Variants in TMED3 observed in about 807,000 individuals in gnomAD.
The protein encoded by TMED3 is transmembrane p24 trafficking protein 3, also known as transmembrane emp24 domain-containing protein 3.
In TMED3, 9 loss-of-function variants were observed where a neutral mutation model predicts 15.0. The observed-to-expected ratio is 0.60, with a 90% CI of 0.36 to 1.04. The LOEUF is 1.04. TMED3 is among the 50% of genes least tolerant of loss of function. TMED3 has a pLI of 0.01. For missense variants in TMED3, 267 were observed against 278.9 expected (o/e 0.96, Z 0.30); for synonymous variants, 117 against 121.4 (o/e 0.96, Z 0.24).
At chr15:79,366,215 G>A (rs35014239) in intron 2 of TMED3, among the ~76,000 whole-genome samples, 17,767 of 152,180 alleles carry the variant, frequency 0.12, 1,106 homozygotes, top group Admixed American at 0.14. Flanking sequence ...CTACCTTGGC[G>A]TTATCAGTAC....
At chr15:79,392,680 T>C (rs963587349) in intron 2 of TMED3, among the ~76,000 whole-genome samples, 1 of 152,260 alleles carries the variant, frequency 6.6e-6, no homozygotes, top group Non-Finnish European at 1.5e-5. Context: ...TTTTTGTTCG[T>C]GTGGTCTTGT....
chr15:79,360,491 G>A (rs142248737), intron 2 of TMED3, among the ~76,000 whole-genome samples: 266 of 152,282 alleles, frequency 1.7e-3, no homozygotes, highest in Middle Eastern at 6.8e-3. Context: ...AAGAGAAAGG[G>A]CAATAATAGC....
chr15:79,377,297 TGA>T lies in TMED3; in HGVS notation c.418-34084_418-34083del, dbSNP rs911394704. Among the ~76,000 whole-genome samples, 735 of 99,502 alleles carry T rather than the reference TGA, an allele frequency of 7.4e-3. 2 individuals carry two copies. The highest frequency in any genetic ancestry group is 0.021 in the Middle Eastern group (4 of 190). The allele number at this position is 99,502 out of a possible 152,430, so 65.3% of individuals were successfully genotyped here. On this transcript the variant is annotated intron_variant, in intron 2 of 2. Coordinates refer to the TMED3 transcript ENST00000424155. Reference sequence around the variant, plus strand: ...GTGTGTGTGTGTGTGTGTGTGTGTGTGAGAGAGAGAGAGAGAGAGAATGTGGG... The same window carrying T: ...GTGTGTGTGTGTGTGTGTGTGTGTGTGAGAGAGAGAGAGAGAGAATGTGGG...
intron 2 of TMED3, among the ~76,000 whole-genome samples, chr15:79,395,555 C>T (rs11072841): frequency 6.6e-6 from 1 of 151,958 alleles, no homozygotes; most frequent in Admixed American, 6.6e-5. Context: ...AGACATTTTT[C>T]TTCTTCCCCC....
intron 2 of TMED3, among the ~76,000 whole-genome samples, chr15:79,388,039 A>G (rs2141252493): frequency 6.6e-6 from 1 of 152,248 alleles, no homozygotes; most frequent in South Asian, 2.1e-4. Flanking sequence ...ATCTGAAAAT[A>G]TAGGATTTTT....
chr15:79,375,549 G>A (rs975867280), intron 2 of TMED3, among the ~76,000 whole-genome samples: 1 of 152,152 alleles, frequency 6.6e-6, no homozygotes, highest in African/African-American at 2.4e-5. Flanking sequence ...TTCTGGGGAG[G>A]CCTCAGGAAG....
intron 2 of TMED3, among the ~76,000 whole-genome samples, chr15:79,386,272 A>G (rs1316984106): frequency 2.0e-5 from 3 of 152,194 alleles, no homozygotes; most frequent in African/African-American, 7.2e-5. Flanking sequence ...TATGAGGGTA[A>G]ATTTAATGTT....
intron 2 of TMED3, among the ~76,000 whole-genome samples, chr15:79,336,306 G>GCCCC (rs1380175297): frequency 6.6e-6 from 1 of 152,098 alleles, no homozygotes; most frequent in African/African-American, 2.4e-5. Context: ...AAAAAGCTAG[G>GCCCC]CCCCCACTGG....
intron 2 of TMED3, chr15:79,382,864 T>G (rs1893559530): frequency 9.3e-7 from 1 of 1,080,496 alleles, no homozygotes; most frequent in Admixed American, 2.0e-5. Context: ...ATATTATCTT[T>G]CATGGGTATC....
At chr15:79,326,082 A>G (rs902164412), downstream of TMED3, among the ~76,000 whole-genome samples, 4 of 152,196 alleles carry the variant, frequency 2.6e-5, no homozygotes, top group African/African-American at 9.6e-5. Context: ...ATTAACCATC[A>G]TAGCACGTTA....
chr15:79,372,163 T>C (rs1407141277), intron 2 of TMED3, among the ~76,000 whole-genome samples: 1 of 152,222 alleles, frequency 6.6e-6, no homozygotes, highest in African/African-American at 2.4e-5. Context: ...AGTGGCAGTT[T>C]CACCAAGATA....
At chr15:79,378,528 C>T (rs1397018618) in intron 2 of TMED3, among the ~76,000 whole-genome samples, 2 of 152,136 alleles carry the variant, frequency 1.3e-5, no homozygotes, top group African/African-American at 4.8e-5. Flanking sequence ...GAGCCTTGGC[C>T]TGGAAGTTCC....
At chr15:79,320,159 A>G (rs2058759919) in intron 2 of TMED3, among the ~76,000 whole-genome samples, 4 of 152,158 alleles carry the variant, frequency 2.6e-5, no homozygotes, top group African/African-American at 9.7e-5. Context: ...GTCTTCCCAG[A>G]CACTGGCATT....
At chr15:79,389,272 T>A (rs553675513) in intron 2 of TMED3, among the ~76,000 whole-genome samples, 1 of 152,320 alleles carries the variant, frequency 6.6e-6, no homozygotes, top group East Asian at 1.9e-4. Context: ...TTGTATATGG[T>A]GAGAAGTGAG....
intron 2 of TMED3, among the ~76,000 whole-genome samples, chr15:79,376,618 A>G (rs552599135): frequency 7.2e-5 from 11 of 152,314 alleles, no homozygotes; most frequent in African/African-American, 2.6e-4. Flanking sequence ...TAGATGAAAA[A>G]CAACCCCTCC....
intron 2 of TMED3, among the ~76,000 whole-genome samples, chr15:79,385,642 G>T (rs1039092872): frequency 1.1e-4 from 17 of 152,292 alleles, no homozygotes; most frequent in Admixed American, 1.1e-3. Context: ...CACCCAAGAG[G>T]GCAGATCCTG....
chr15:79,408,728 G>A (rs1361537405), intron 2 of TMED3, among the ~76,000 whole-genome samples: 1 of 152,104 alleles, frequency 6.6e-6, no homozygotes, highest in African/African-American at 2.4e-5. Context: ...CCTCTCTAGG[G>A]TTTCATTTTT....
intron 2 of TMED3, among the ~76,000 whole-genome samples, chr15:79,369,690 G>A (rs901243235): frequency 2.0e-5 from 3 of 152,208 alleles, no homozygotes; most frequent in Non-Finnish European, 4.4e-5. Flanking sequence ...CATAATTATG[G>A]AGTAGTCTTG....
intron 2 of TMED3, among the ~76,000 whole-genome samples, chr15:79,350,181 G>A (rs548122465): frequency 9.2e-4 from 140 of 152,190 alleles, no homozygotes; most frequent in Non-Finnish European, 1.6e-3. Flanking sequence ...TGGATAGTTG[G>A]ATAGATAAAT....
Sources: allele counts gnomAD v4.1 joint callset (sites outside exome capture counted in the v4.1 genomes callset), GRCh38; gene constraint gnomAD v4.1.1; transcripts MANE v1.5; gene names NCBI Gene and HGNC (gene_info 2026-07-23, HGNC 2026-07-21).